The following ALDH9A1 variants were observed in gnomAD, a reference collection of about 807,000 sequenced individuals.
ALDH9A1 encodes the protein aldehyde dehydrogenase 9 family member A1.
In ALDH9A1, 42 loss-of-function variants were observed where a neutral mutation model predicts 56.6. The ratio of observed to expected loss-of-function variants is 0.74; its 90% CI spans 0.58 to 0.96. The LOEUF is 0.96. ALDH9A1 is among the 40% of genes least tolerant of loss of function. The pLI is 0.00. For missense variants in ALDH9A1, 661 were observed against 651.5 expected (o/e 1.01, Z -0.16); for synonymous variants, 242 against 236.0 (o/e 1.03, Z -0.23).
At chr1:165,670,858 G>T (rs945927409) in intron 6 of ALDH9A1, among the ~76,000 whole-genome samples, 2 of 152,178 alleles carry the variant, frequency 1.3e-5, no homozygotes, top group Non-Finnish European at 1.5e-5. Context: ...GATCACTAGA[G>T]GTCAGTAGTT....
Position 165,682,139 on chromosome 1 carries a change from G to A in ALDH9A1, c.560C>T (p.Ala187Val). 1 of 1,614,080 alleles carries A rather than the reference G, an allele frequency of 6.2e-7. No homozygotes were observed. Among genetic ancestry groups the A allele is most frequent in the Non-Finnish European group, 8.5e-7 (1 of 1,179,968 alleles). Residue 187 changes from alanine to valine, a missense_variant, in exon 4 of 11, where the codon GCC (alanine) becomes GTC (valine). Ala to Val is a moderately conservative substitution (Grantham distance 64). Coordinates refer to ENST00000354775, the MANE Select transcript of ALDH9A1 (RefSeq NM_000696.4). ...IGAWNYPFQI[A>V]SWKSAPALAC... is the part of the protein sequence containing the mutation. ...TAATGCTGGAGCCGACTTCCAAGAG[G>A]CAATCTGAAAGGGGTAGTTCCATGC... is the stretch of plus-strand genomic sequence containing the variant.
At chr1:165,698,159 G>C in intron 1 of ALDH9A1, 2 of 1,257,398 alleles carry the variant, frequency 1.6e-6, no homozygotes, top group Non-Finnish European at 1.0e-6. Flanking sequence ...ATCCTACCAC[G>C]CAACTCATCA....
chr1:165,665,596 A>AT (rs1336877790), intron 9 of ALDH9A1, among the ~76,000 whole-genome samples: 3 of 152,240 alleles, frequency 2.0e-5, no homozygotes, highest in Non-Finnish European at 4.4e-5. Flanking sequence ...AAAGTAACAG[A>AT]TAAAAAAAAC....
intron 6 of ALDH9A1, among the ~76,000 whole-genome samples, chr1:165,674,397 T>C (rs1020138353): frequency 4.1e-5 from 6 of 146,998 alleles, no homozygotes; most frequent in Admixed American, 2.7e-4. Flanking sequence ...TTTAAAAAAT[T>C]AAAAATTGGC....
At chr1:165,667,565 A>C in intron 8 of ALDH9A1, 115 bp from the exon 9 acceptor site, 3 of 1,126,740 alleles carry the variant, frequency 2.7e-6, no homozygotes, top group Non-Finnish European at 3.7e-6. Flanking sequence ...GGTCTCAAAC[A>C]CCTGGGCTCC....
intron 2 of ALDH9A1, among the ~76,000 whole-genome samples, chr1:165,688,899 T>C (rs1476973883): frequency 6.6e-6 from 1 of 152,130 alleles, no homozygotes; most frequent in African/African-American, 2.4e-5. Context: ...TAATAAGCAG[T>C]GGGTTTTTGA....
intron 6 of ALDH9A1, among the ~76,000 whole-genome samples, chr1:165,677,927 G>T (rs1487894781): frequency 1.3e-5 from 2 of 152,008 alleles, no homozygotes; most frequent in Non-Finnish European, 2.9e-5. Context: ...TATTTGGGAG[G>T]CTGAAACAGG....
At chr1:165,667,175 C>T in intron 9 of ALDH9A1, 134 bp downstream of exon 9, 1 of 1,248,236 alleles carries the variant, frequency 8.0e-7, no homozygotes, top group Non-Finnish European at 1.1e-6. Flanking sequence ...TCTGACTTAA[C>T]CTGAAGCAAA....
chr1:165,669,239 C>A, intron 7 of ALDH9A1, 23 bp downstream of exon 7: 3 of 1,581,516 alleles, frequency 1.9e-6, no homozygotes, highest in Non-Finnish European at 2.6e-6. Context: ...CCCAACCCCA[C>A]CCTACTGCCA....
At chr1:165,674,640 C>G (rs1158763104) in intron 6 of ALDH9A1, among the ~76,000 whole-genome samples, 1 of 142,108 alleles carries the variant, frequency 7.0e-6, no homozygotes, top group African/African-American at 2.6e-5. Flanking sequence ...GAGCTGAGAT[C>G]GTGCCATTGC....
intron 3 of ALDH9A1, 80 bp downstream of exon 3, chr1:165,682,901 C>A: frequency 6.7e-7 from 1 of 1,494,588 alleles, no homozygotes; most frequent in Non-Finnish European, 9.0e-7. Context: ...GTCTTAATTC[C>A]AAAATCTTTG....
intron 3 of ALDH9A1, among the ~76,000 whole-genome samples, chr1:165,682,565 G>T (rs565878710): frequency 2.0e-5 from 3 of 152,164 alleles, no homozygotes; most frequent in Non-Finnish European, 4.4e-5. Flanking sequence ...CTCAACAGCA[G>T]GGGAAGCATG....
At chr1:165,668,753 C>T in intron 8 of ALDH9A1, 173 bp downstream of exon 8, 1 of 508,376 alleles carries the variant, frequency 2.0e-6, no homozygotes, top group Non-Finnish European at 3.4e-6. Flanking sequence ...AAAGGAGGGG[C>T]ACACAGAAGG....
intron 6 of ALDH9A1, among the ~76,000 whole-genome samples, chr1:165,674,974 C>T (rs926179597): frequency 2.0e-5 from 3 of 152,106 alleles, no homozygotes; most frequent in Non-Finnish European, 4.4e-5. Context: ...GGGTGGATCG[C>T]CTGAGCTCAG....
chr1:165,673,812 A>AG (rs748963869), intron 6 of ALDH9A1, among the ~76,000 whole-genome samples: 1 of 152,056 alleles, frequency 6.6e-6, no homozygotes, highest in Non-Finnish European at 1.5e-5. Flanking sequence ...TAAAAGGGAG[A>AG]GGGGAAATGT....
rs763892358 is a variant in ALDH9A1 at position 165,667,319 on chromosome 1, C to T, written c.1339G>A (p.Val447Ile). Residue 447 changes from valine (V) to isoleucine (I), a missense_variant, in exon 9 of 11, where the codon GTC becomes ATC. Transcript: ENST00000354775. Reference protein sequence around the residue: ...NDTTFGLAAGVFTRDIQRAHR... With the variant: ...NDTTFGLAAGIFTRDIQRAHR... ...TCCCACTCCACATACCTGGTAAAGA[C>T]GCCAGCTGCTAGTCCAAAAGTGGTA... 21 of 1,613,962 alleles carry T rather than the reference C, an allele frequency of 1.3e-5. No homozygotes were observed. In the East Asian group the frequency reaches 1.6e-4, roughly 12 times the overall value.
chr1:165,665,676 C>T (rs1450691248), intron 9 of ALDH9A1, among the ~76,000 whole-genome samples: 5 of 151,940 alleles, frequency 3.3e-5, no homozygotes, highest in African/African-American at 7.3e-5. Flanking sequence ...GAAAAGAAAA[C>T]CCACAGAAAT....
In ALDH9A1 at chr1:165,682,094, A is replaced by C. The variant is rs1192978788; in HGVS notation, c.592+13T>G. Reference sequence around the variant, plus strand: ...ACGAATGGCTCTCAAATGGAGGGATAATTCATTCTTACCACAGGCTAATGC... The same window carrying C: ...ACGAATGGCTCTCAAATGGAGGGATCATTCATTCTTACCACAGGCTAATGC... On this transcript the variant is annotated intron_variant, in intron 4 of 10. Coordinates refer to ENST00000354775, the MANE Select transcript of ALDH9A1 (RefSeq NM_000696.4). 4.3e-6 allele frequency: 7 copies of C among 1,613,638 alleles called. No individual in the cohort carries two copies. Among genetic ancestry groups the C allele is most frequent in the Non-Finnish European group, 5.9e-6 (7 of 1,179,740 alleles).
intron 6 of ALDH9A1, among the ~76,000 whole-genome samples, chr1:165,677,371 T>C (rs916825585): frequency 6.6e-6 from 1 of 151,450 alleles, no homozygotes; most frequent in Non-Finnish European, 1.5e-5. Flanking sequence ...AAATTAATAA[T>C]AAACAGATAA....
Sources: allele counts gnomAD v4.1 joint callset (sites outside exome capture counted in the v4.1 genomes callset), GRCh38; gene constraint gnomAD v4.1.1; transcripts MANE v1.5; gene names NCBI Gene and HGNC (gene_info 2026-07-23, HGNC 2026-07-21).